The following LIMCH1 variants were observed in gnomAD, a reference collection of about 807,000 sequenced individuals.
The protein encoded by LIMCH1 is LIM and calponin homology domains-containing protein 1.
LIMCH1 carries 113 observed loss-of-function variants against 176.5 expected under a neutral mutation model. The ratio of observed to expected loss-of-function variants is 0.64; its 90% CI spans 0.55 to 0.75. The LOEUF is 0.75. Ranked by LOEUF, LIMCH1 falls within the 30% of genes least tolerant of loss-of-function variation. The pLI, the probability that LIMCH1 is intolerant of heterozygous loss-of-function variation, is 0.00. For missense variants in LIMCH1, 1,674 were observed against 1,814.9 expected (o/e 0.92, Z 1.41); for synonymous variants, 619 against 645.9 (o/e 0.96, Z 0.63).
At chr4:41,430,084 C>A (rs1311186698) in intron 1 of LIMCH1, among the ~76,000 whole-genome samples, 1 of 152,076 alleles carries the variant, frequency 6.6e-6, no homozygotes, top group Non-Finnish European at 1.5e-5. Flanking sequence ...ATTCCTAATA[C>A]AGTATAGACG....
intron 1 of LIMCH1, among the ~76,000 whole-genome samples, chr4:41,554,764 A>G (rs944643371): frequency 3.9e-5 from 6 of 152,160 alleles, no homozygotes; most frequent in Non-Finnish European, 5.9e-5. Flanking sequence ...AACCGTGTCA[A>G]TTGGGTTTTG....
At chr4:41,689,128 T>G (rs759968651) in intron 29 of LIMCH1, among the ~76,000 whole-genome samples, 34 of 152,140 alleles carry the variant, frequency 2.2e-4, no homozygotes, top group Non-Finnish European at 4.6e-4. Context: ...GTGAACCACT[T>G]ATGGGAAATT....
intron 1 of LIMCH1, among the ~76,000 whole-genome samples, chr4:41,566,706 A>G (rs534779470): frequency 6.6e-6 from 1 of 152,374 alleles, no homozygotes; most frequent in South Asian, 2.1e-4. Context: ...AATTGTATAA[A>G]TTTAAAATGT....
intron 1 of LIMCH1, among the ~76,000 whole-genome samples, chr4:41,575,062 T>C (rs528259821): frequency 6.6e-6 from 1 of 152,096 alleles, no homozygotes; most frequent in East Asian, 1.9e-4. Flanking sequence ...ACACACACAA[T>C]TTATTGAGGC....
chr4:41,360,755 G>A, upstream of LIMCH1: 1 of 955,078 alleles, frequency 1.0e-6, no homozygotes, highest in East Asian at 3.4e-5. The surrounding 1 kb of genome is among the most constrained non-coding windows in gnomAD (Gnocchi z 4.5). Context: ...GCCGGCGGGC[G>A]GGAAGGGGCG....
chr4:41,628,648 A>T (rs1416946170), intron 8 of LIMCH1, among the ~76,000 whole-genome samples: 1 of 152,200 alleles, frequency 6.6e-6, no homozygotes, highest in Non-Finnish European at 1.5e-5. Context: ...TTTCTATTTC[A>T]AGAAGCATAT....
At chr4:41,426,632 T>C (rs2061135427) in intron 1 of LIMCH1, among the ~76,000 whole-genome samples, 2 of 152,266 alleles carry the variant, frequency 1.3e-5, no homozygotes, top group African/African-American at 4.8e-5. Flanking sequence ...CAATATATAC[T>C]GCTGTTGTTT....
At chr4:41,483,889 G>A (rs1010763152) in intron 1 of LIMCH1, among the ~76,000 whole-genome samples, 18 of 152,216 alleles carry the variant, frequency 1.2e-4, no homozygotes, top group African/African-American at 2.2e-4. Flanking sequence ...ACCAAAGGGT[G>A]CTTAACTGTG....
intron 1 of LIMCH1, among the ~76,000 whole-genome samples, chr4:41,452,815 G>T (rs2064054767): frequency 6.6e-6 from 1 of 152,128 alleles, no homozygotes; most frequent in African/African-American, 2.4e-5. Flanking sequence ...AGCAGTTTTT[G>T]TGCCTTTTTA....
At chr4:41,419,588 T>G (rs966689410) in intron 1 of LIMCH1, among the ~76,000 whole-genome samples, 5 of 86,758 alleles carry the variant, frequency 5.8e-5, no homozygotes, top group African/African-American at 8.7e-5. Context: ...CCTTCCTTCC[T>G]TCCTTCCTTC....
At chr4:41,683,363 G>A (rs557668360) in intron 26 of LIMCH1, among the ~76,000 whole-genome samples, 1 of 152,242 alleles carries the variant, frequency 6.6e-6, no homozygotes, top group South Asian at 2.1e-4. Flanking sequence ...TCTGGTTGTG[G>A]CTGAGGGTTG....
chr4:41,558,927 A>G (rs550021114), intron 1 of LIMCH1, among the ~76,000 whole-genome samples: 1 of 152,252 alleles, frequency 6.6e-6, no homozygotes, highest in Non-Finnish European at 1.5e-5. Context: ...TGTCTTCACC[A>G]TCTGAGATTA....
At chr4:41,464,571 T>G (rs751468394) in intron 1 of LIMCH1, among the ~76,000 whole-genome samples, 8 of 151,942 alleles carry the variant, frequency 5.3e-5, no homozygotes, top group Non-Finnish European at 1.2e-4. Context: ...AGACAGGGTT[T>G]CACCATGTTG....
At chr4:41,637,253 A>T (rs2093632310) in intron 13 of LIMCH1, among the ~76,000 whole-genome samples, 1 of 152,022 alleles carries the variant, frequency 6.6e-6, no homozygotes, top group Admixed American at 6.6e-5. Flanking sequence ...CAGTGGCGTG[A>T]TCTCTGCTCA....
rs996335502 is a variant in LIMCH1, at chr4:41,512,594, C to T, written c.168-11815C>T. 2.4e-5 allele frequency among the ~76,000 whole-genome samples: 3 copies of T among 126,430 alleles called. No individual in the cohort carries two copies. In the East Asian group the frequency reaches 6.3e-4, roughly 27 times the overall value. 82.9% of individuals were successfully genotyped at this position (126,430 alleles called of 152,430 possible). ...TATAAAAAGGAATAAAGCATTGATG[C>T]ATGCTACAACATGGATGAACCTTAA... On this transcript the variant is annotated intron_variant, in intron 2 of 26. Transcript: ENST00000313860.
At chr4:41,515,590 GT>G (rs1172144036) in intron 2 of LIMCH1, among the ~76,000 whole-genome samples, 2 of 152,346 alleles carry the variant, frequency 1.3e-5, no homozygotes, top group East Asian at 3.9e-4. Context: ...TACATGCATT[GT>G]TTTACTTATT....
intron 7 of LIMCH1, 75 bp downstream of exon 7, chr4:41,620,765 G>T (rs2092512102): frequency 1.4e-6 from 2 of 1,430,738 alleles, no homozygotes; most frequent in African/African-American, 2.9e-5. Flanking sequence ...TAGAGAGTTG[G>T]AGTTTTCATC....
chr4:41,380,513 A>G (rs2055493945), intron 1 of LIMCH1, among the ~76,000 whole-genome samples: 1 of 151,446 alleles, frequency 6.6e-6, no homozygotes, highest in African/African-American at 2.4e-5. Flanking sequence ...AATAATAATT[A>G]CTGCCTCCCT....
chr4:41,694,223 C>G (rs181665381), intron 31 of LIMCH1, among the ~76,000 whole-genome samples: 1 of 152,236 alleles, frequency 6.6e-6, no homozygotes, highest in Admixed American at 6.5e-5. Context: ...GTTTTCTCTG[C>G]TTCTATAGAC....
Sources: allele counts gnomAD v4.1 joint callset (sites outside exome capture counted in the v4.1 genomes callset), GRCh38; gene constraint gnomAD v4.1.1; non-coding constraint Gnocchi (gnomAD v3.1); transcripts MANE v1.5; gene names NCBI Gene and HGNC (gene_info 2026-07-23, HGNC 2026-07-21).